The following BRINP3 variants were observed in gnomAD, a reference collection of about 807,000 sequenced individuals.
BRINP3 encodes BMP/retinoic acid inducible neural specific 3.
Under a neutral mutation model 71.0 loss-of-function variants are expected in BRINP3, and 19 were observed. The observed-to-expected ratio is 0.27, with a 90% CI of 0.19 to 0.39. The LOEUF is 0.39. BRINP3 is among the 10% of genes least tolerant of loss of function. The pLI is 1.00. For missense variants in BRINP3, 959 were observed against 940.8 expected, an observed-to-expected ratio of 1.02 and a Z score of -0.25; for synonymous variants, 380 against 337.7, an observed-to-expected ratio of 1.13 and a Z score of -1.37.
intron 2 of BRINP3, among the ~76,000 whole-genome samples, chr1:190,326,839 T>C (rs1274116188): frequency 6.6e-6 from 1 of 151,996 alleles, no homozygotes; most frequent in Non-Finnish European, 1.5e-5. Flanking sequence ...TAGCCACTAC[T>C]GCAAAAACAC....
intron 7 of BRINP3, among the ~76,000 whole-genome samples, chr1:190,107,671 C>A (rs943290018): frequency 6.6e-6 from 1 of 151,908 alleles, no homozygotes; most frequent in African/African-American, 2.4e-5. Flanking sequence ...GGAGTATGAT[C>A]TCCTAAGAAA....
At chr1:190,271,227 T>C (rs1167160176) in intron 3 of BRINP3, among the ~76,000 whole-genome samples, 2 of 151,696 alleles carry the variant, frequency 1.3e-5, no homozygotes, top group African/African-American at 4.8e-5. Context: ...GACAGAAATG[T>C]ATAATCAGTT....
At chr1:190,330,598 A>AAC (rs2103078386) in intron 2 of BRINP3, among the ~76,000 whole-genome samples, 1 of 152,118 alleles carries the variant, frequency 6.6e-6, no homozygotes, top group African/African-American at 2.4e-5. Context: ...TTAAAATAGA[A>AAC]ACACCATTAG....
At chr1:190,208,741 C>T (rs964625018) in intron 6 of BRINP3, among the ~76,000 whole-genome samples, 3 of 151,934 alleles carry the variant, frequency 2.0e-5, no homozygotes, top group African/African-American at 7.3e-5. Flanking sequence ...TTGATCTGAC[C>T]GCCTTGGCCT....
chr1:190,197,141 C>T (rs1237048663), intron 6 of BRINP3, among the ~76,000 whole-genome samples: 1 of 151,762 alleles, frequency 6.6e-6, no homozygotes, highest in Non-Finnish European at 1.5e-5. Flanking sequence ...TGGTGGCAGG[C>T]AAGAGAGCTT....
chr1:190,121,578 T>C (rs1653665571), intron 7 of BRINP3, among the ~76,000 whole-genome samples: 1 of 152,324 alleles, frequency 6.6e-6, no homozygotes, highest in East Asian at 1.9e-4. Flanking sequence ...TTGGTTCTCC[T>C]ATTTTGAAAT....
At chr1:190,250,531 T>G (rs1251509952) in intron 4 of BRINP3, among the ~76,000 whole-genome samples, 1 of 151,974 alleles carries the variant, frequency 6.6e-6, no homozygotes, top group Non-Finnish European at 1.5e-5. Context: ...CTTTATGTCA[T>G]TAGTCAAATC....
At chr1:190,333,924 T>G (rs1165898182) in intron 2 of BRINP3, among the ~76,000 whole-genome samples, 4 of 151,848 alleles carry the variant, frequency 2.6e-5, no homozygotes, top group Non-Finnish European at 5.9e-5. Context: ...CTTCAAATAT[T>G]CATAGGGCTC....
intron 6 of BRINP3, among the ~76,000 whole-genome samples, chr1:190,190,396 A>G (rs1265834579): frequency 2.0e-5 from 3 of 151,864 alleles, no homozygotes; most frequent in African/African-American, 7.3e-5. Flanking sequence ...TTAAATGCAT[A>G]TTTTCTTAAT....
chr1:190,456,237 TG>T (rs1192652206), intron 1 of BRINP3, among the ~76,000 whole-genome samples: 12 of 152,272 alleles, frequency 7.9e-5, no homozygotes, highest in African/African-American at 2.9e-4. Flanking sequence ...GAAATAATTT[TG>T]GGGCTCTGAA....
At chr1:190,385,825 C>A (rs1425064092) in intron 2 of BRINP3, among the ~76,000 whole-genome samples, 1 of 150,484 alleles carries the variant, frequency 6.6e-6, no homozygotes, top group Non-Finnish European at 1.5e-5. Flanking sequence ...AGACTTGGAA[C>A]CAACCCAAAT....
chr1:190,378,993 C>A (rs1180451), intron 2 of BRINP3, among the ~76,000 whole-genome samples: 2 of 152,116 alleles, frequency 1.3e-5, no homozygotes, highest in South Asian at 2.1e-4. Context: ...AGAAATCTCA[C>A]GTCTTCCTTC....
At chr1:190,367,317 C>A (rs924135539) in intron 2 of BRINP3, among the ~76,000 whole-genome samples, 3 of 152,168 alleles carry the variant, frequency 2.0e-5, no homozygotes, top group African/African-American at 7.2e-5. Context: ...TGTACCTTGA[C>A]CCCTTGTAGC....
chr1:190,234,341 G>T (rs747640608), intron 5 of BRINP3, 31 bp downstream of exon 5: 2 of 1,521,020 alleles, frequency 1.3e-6, no homozygotes, highest in Admixed American at 1.7e-5. Context: ...ATTCAGGCTT[G>T]TAGAGAATTA....
chr1:190,362,530 T>C (rs1669215907), intron 2 of BRINP3, among the ~76,000 whole-genome samples: 1 of 152,180 alleles, frequency 6.6e-6, no homozygotes, highest in Non-Finnish European at 1.5e-5. Context: ...CTGATATCTG[T>C]GATAGGCAAA....
intron 2 of BRINP3, among the ~76,000 whole-genome samples, chr1:190,287,548 A>T (rs1417833534): frequency 6.6e-6 from 1 of 152,172 alleles, no homozygotes; most frequent in East Asian, 1.9e-4. Context: ...TACTGGGGAT[A>T]AAAGTCCAAT....
intron 2 of BRINP3, among the ~76,000 whole-genome samples, chr1:190,383,180 C>T (rs371446883): frequency 3.4e-4 from 52 of 151,948 alleles, no homozygotes; most frequent in African/African-American, 1.3e-3. Flanking sequence ...CAAAGTAATG[C>T]CTCTTGTTTT....
At position 190,192,154 on chromosome 1, in the gene BRINP3, C is replaced by T. The variant is rs139395467; in HGVS notation, c.962-31264G>A. 5.4e-3 allele frequency among the ~76,000 whole-genome samples: 825 copies of T among 152,196 alleles called. 6 individuals are homozygous for T. Among genetic ancestry groups the T allele is most frequent in the African/African-American group, 0.018 (752 of 41,534 alleles). ...ATCTGCTGTCCAATACTTCACAGGG[C>T]ATATTTATAAACAAAGTAGATAGCA... On this transcript the variant is annotated intron_variant, in intron 6 of 7. Coordinates refer to ENST00000367462, the MANE Select transcript of BRINP3 (RefSeq NM_199051.3).
chr1:190,158,543 C>T (rs1350479219), intron 7 of BRINP3, among the ~76,000 whole-genome samples: 1 of 151,908 alleles, frequency 6.6e-6, no homozygotes, highest in African/African-American at 2.4e-5. Context: ...ATCAATCATA[C>T]CTCAAACCTC....
Sources: gnomAD v4.1 joint callset for allele counts (sites outside exome capture counted in the v4.1 genomes callset) on GRCh38, gnomAD v4.1.1 for gene constraint, MANE v1.5 for transcripts, NCBI Gene and HGNC (gene_info 2026-07-23, HGNC 2026-07-21) for gene names.